Variants in RAD51B observed in about 807,000 individuals in gnomAD.
RAD51B encodes RAD51 paralog B, also known as DNA repair protein RAD51 homolog 2.
RAD51B carries 38 observed loss-of-function variants against 42.2 expected under a neutral mutation model. The ratio of observed to expected loss-of-function variants is 0.90; its 90% CI spans 0.70 to 1.18. RAD51B has a LOEUF of 1.18. Ranked by LOEUF, RAD51B falls within the 50% of genes most tolerant of loss-of-function variation. RAD51B has a pLI of 0.00. For synonymous variants in RAD51B, 154 were observed against 145.2 expected (o/e 1.06, Z -0.43); for missense variants, 373 against 400.7 (o/e 0.93, Z 0.59).
chr14:68,551,336 A>T (rs560688078), intron 10 of RAD51B, among the ~76,000 whole-genome samples: 1 of 152,198 alleles, frequency 6.6e-6, no homozygotes, highest in Non-Finnish European at 1.5e-5. Flanking sequence ...TTCAGCCCCA[A>T]GTCGCGTCCC....
chr14:68,312,944 C>T (rs1208380217), intron 8 of RAD51B, among the ~76,000 whole-genome samples: 7 of 152,124 alleles, frequency 4.6e-5, no homozygotes, highest in Admixed American at 4.6e-4. Flanking sequence ...ACAGAAAAAG[C>T]CCTTGGTTGG....
intron 10 of RAD51B, chr14:68,468,958 GC>G (rs1338786842): frequency 1.1e-5 from 3 of 283,504 alleles, no homozygotes; most frequent in African/African-American, 6.5e-5. Flanking sequence ...TTTCCAGAAA[GC>G]AATTAACATG....
At chr14:68,479,413 A>C (rs935029091), downstream of RAD51B, among the ~76,000 whole-genome samples, 14 of 152,172 alleles carry the variant, frequency 9.2e-5, no homozygotes, top group African/African-American at 3.1e-4. Context: ...CTCCTGAAGC[A>C]GGTTGTAAAA....
chr14:68,634,701 G>A (rs1367909756), intron 10 of RAD51B, among the ~76,000 whole-genome samples: 1 of 152,202 alleles, frequency 6.6e-6, no homozygotes, highest in Non-Finnish European at 1.5e-5. Context: ...GTGAGACGGA[G>A]GTGGAGCCTC....
At chr14:68,641,673 A>G (rs917746786) in intron 10 of RAD51B, among the ~76,000 whole-genome samples, 1 of 151,586 alleles carries the variant, frequency 6.6e-6, no homozygotes, top group Non-Finnish European at 1.5e-5. Context: ...GGATTTTGTC[A>G]AATGCTTTTT....
At chr14:68,324,031 A>C (rs1265400409) in intron 8 of RAD51B, among the ~76,000 whole-genome samples, 1 of 152,232 alleles carries the variant, frequency 6.6e-6, no homozygotes, top group African/African-American at 2.4e-5. Flanking sequence ...ATAAAAGCTA[A>C]GACAGGTACC....
At chr14:68,073,449 T>G (rs2076785566) in intron 7 of RAD51B, among the ~76,000 whole-genome samples, 1 of 152,220 alleles carries the variant, frequency 6.6e-6, no homozygotes, top group Non-Finnish European at 1.5e-5. Context: ...GAAGACATTA[T>G]AGCGTTAGGT....
chr14:67,857,571 A>G (rs760329999), intron 4 of RAD51B, among the ~76,000 whole-genome samples: 52 of 152,334 alleles, frequency 3.4e-4, no homozygotes, highest in Admixed American at 1.0e-3. Flanking sequence ...AATTAAAATA[A>G]TGGCTTGTTT....
chr14:68,096,885 T>C (rs74058804), intron 7 of RAD51B, among the ~76,000 whole-genome samples: 1 of 152,352 alleles, frequency 6.6e-6, no homozygotes, highest in African/African-American at 2.4e-5. Flanking sequence ...TTCTTAATTA[T>C]TTATTTTGTC....
intron 7 of RAD51B, among the ~76,000 whole-genome samples, chr14:68,277,228 G>T (rs137997409): frequency 3.9e-5 from 6 of 152,246 alleles, no homozygotes; most frequent in African/African-American, 1.4e-4. Flanking sequence ...AGTAATGGAC[G>T]ACAACCCTCA....
Position 68,276,402 on chromosome 14 carries a change from G to A in RAD51B, c.757-15482G>A, listed in dbSNP as rs575017531. On this transcript the variant is annotated intron_variant, in intron 7 of 10. Coordinates refer to ENST00000471583, the MANE Select transcript of RAD51B (RefSeq NM_133510.4). ...CTACATTTCATTTTAGCTCATTTGC[G>A]TACTCATTTTACTTTTTTTTTAAAC... is the stretch of plus-strand genomic sequence containing the variant. Among the ~76,000 whole-genome samples the A allele has an allele frequency of 4.2e-4, 64 of 151,778 alleles. 1 individual carries two copies. Among genetic ancestry groups the A allele is most frequent in the African/African-American group, 1.3e-3 (55 of 41,362 alleles).
rs533703833 is a variant in RAD51B at position 68,451,139 on chromosome 14, G to C, written c.958-17033G>C. Among the ~76,000 whole-genome samples, 114 of 152,248 alleles carry C rather than the reference G, an allele frequency of 7.5e-4. 1 individual carries two copies. The highest frequency in any genetic ancestry group is 2.7e-3 in the African/African-American group (112 of 41,552). ...GTGTGTTAAGTAGGTAGACTGCCTG[G>C]AAACACAGATTGAGCACCAACAAAT... is the stretch of plus-strand genomic sequence containing the variant. On this transcript the variant is annotated intron_variant, in intron 9 of 10. Transcript: ENST00000471583.
At chr14:68,574,382 C>G (rs1889866318) in intron 10 of RAD51B, among the ~76,000 whole-genome samples, 1 of 152,210 alleles carries the variant, frequency 6.6e-6, no homozygotes, top group South Asian at 2.1e-4. Flanking sequence ...GCCACTGCAC[C>G]CGGCCACAGC....
chr14:68,333,932 T>C (rs1566815024), intron 8 of RAD51B, among the ~76,000 whole-genome samples: 2 of 152,152 alleles, frequency 1.3e-5, no homozygotes, highest in Non-Finnish European at 2.9e-5. Context: ...CCCATCCCCC[T>C]CTCCACCACA....
intron 7 of RAD51B, among the ~76,000 whole-genome samples, chr14:68,270,650 T>G (rs1232308700): frequency 6.6e-6 from 1 of 152,254 alleles, no homozygotes; most frequent in Non-Finnish European, 1.5e-5. Context: ...GAGAGCTTGA[T>G]GAAGACATCA....
At chr14:68,580,155 C>T (rs1363187374) in intron 10 of RAD51B, among the ~76,000 whole-genome samples, 4 of 152,196 alleles carry the variant, frequency 2.6e-5, no homozygotes, top group Non-Finnish European at 5.9e-5. Flanking sequence ...AAACAGGGCC[C>T]GGGCTCCCGG....
At chr14:68,125,672 A>C (rs1380959271) in intron 7 of RAD51B, among the ~76,000 whole-genome samples, 2 of 152,076 alleles carry the variant, frequency 1.3e-5, no homozygotes, top group African/African-American at 4.8e-5. Flanking sequence ...AGAATTGGAT[A>C]TTCCTGGGAA....
intron 9 of RAD51B, among the ~76,000 whole-genome samples, chr14:68,452,660 CTT>C (rs2085586167): frequency 6.6e-6 from 1 of 151,672 alleles, no homozygotes; most frequent in Non-Finnish European, 1.5e-5. Flanking sequence ...AAGTTACTAA[CTT>C]TTCTGCAATT....
At chr14:68,590,968 C>T (rs536625841) in intron 10 of RAD51B, among the ~76,000 whole-genome samples, 3 of 152,198 alleles carry the variant, frequency 2.0e-5, no homozygotes, top group African/African-American at 7.2e-5. Flanking sequence ...ATGGGCCAGG[C>T]AGCCATGGAC....
Sources: allele counts gnomAD v4.1 joint callset (sites outside exome capture counted in the v4.1 genomes callset), GRCh38; gene constraint gnomAD v4.1.1; transcripts MANE v1.5; gene names NCBI Gene and HGNC (gene_info 2026-07-23, HGNC 2026-07-21).